The following SGSM1 variants were observed in gnomAD, a reference collection of about 807,000 sequenced individuals.
The protein encoded by SGSM1 is small G protein signaling modulator 1, also known as RUN and TBC1 domain containing 2.
In SGSM1, 73 loss-of-function variants were observed where a neutral mutation model predicts 133.8. The observed-to-expected ratio is 0.55, with a 90% CI of 0.45 to 0.66. The LOEUF (loss-of-function observed/expected upper bound fraction) is 0.66. SGSM1 is among the 30% of genes least tolerant of loss of function. SGSM1 has a pLI of 0.00. For synonymous variants in SGSM1, 563 were observed against 573.0 expected, an observed-to-expected ratio of 0.98 and a Z score of 0.25; for missense variants, 1,213 against 1,448.1, an observed-to-expected ratio of 0.84 and a Z score of 2.64.
At chr22:24,833,748 G>T (rs1050054401) in intron 2 of SGSM1, among the ~76,000 whole-genome samples, 2 of 152,216 alleles carry the variant, frequency 1.3e-5, no homozygotes, top group African/African-American at 4.8e-5. Context: ...TTTGCATGAT[G>T]AGATTCCCGA....
At chr22:24,831,512 G>C (rs1056894498) in intron 2 of SGSM1, among the ~76,000 whole-genome samples, 2 of 152,172 alleles carry the variant, frequency 1.3e-5, no homozygotes, top group South Asian at 4.1e-4. Flanking sequence ...GTCTTTGACA[G>C]TTCTGATGGG....
chr22:24,829,150 C>A (rs62232200), intron 2 of SGSM1, among the ~76,000 whole-genome samples: 2 of 151,516 alleles, frequency 1.3e-5, no homozygotes, highest in Admixed American at 6.6e-5. Flanking sequence ...GAGCCGAGAT[C>A]GTGCCACTGC....
At chr22:24,906,978 A>G (rs966693222) in intron 21 of SGSM1, among the ~76,000 whole-genome samples, 4 of 149,172 alleles carry the variant, frequency 2.7e-5, no homozygotes, top group African/African-American at 9.9e-5. Context: ...ATAAATAAAT[A>G]GGCCGGGCAT....
At chr22:24,850,719 G>A (rs1046405683) in intron 5 of SGSM1, among the ~76,000 whole-genome samples, 3 of 152,144 alleles carry the variant, frequency 2.0e-5, no homozygotes, top group African/African-American at 7.2e-5. Flanking sequence ...CTCTGTGCCC[G>A]TTATCTCTTT....
chr22:24,866,142 G>T (rs1931443318), intron 9 of SGSM1, among the ~76,000 whole-genome samples: 1 of 152,142 alleles, frequency 6.6e-6, no homozygotes, highest in Non-Finnish European at 1.5e-5. Flanking sequence ...ATTTGTTTCA[G>T]GACAGCAGCA....
intron 1 of SGSM1, 23 bp from the exon 2 acceptor site, chr22:24,806,418 G>A (rs1327544970): frequency 6.6e-7 from 1 of 1,522,068 alleles, no homozygotes; most frequent in Middle Eastern, 1.8e-4. Context: ...GCTGACCCGC[G>A]GCTCTCGTTT....
At chr22:24,810,869 C>T (rs1927693648) in intron 2 of SGSM1, among the ~76,000 whole-genome samples, 3 of 152,146 alleles carry the variant, frequency 2.0e-5, no homozygotes, top group African/African-American at 7.2e-5. Context: ...GCAGGCAGGA[C>T]TTGCTAAGAA....
chr22:24,869,289 C>T (rs1931644022), intron 12 of SGSM1, among the ~76,000 whole-genome samples: 1 of 152,126 alleles, frequency 6.6e-6, no homozygotes, highest in Non-Finnish European at 1.5e-5. Context: ...TGGGAGGGAG[C>T]ACTTTGGATT....
intron 8 of SGSM1, among the ~76,000 whole-genome samples, chr22:24,857,053 C>G (rs1930838925): frequency 6.6e-6 from 1 of 151,824 alleles, no homozygotes; most frequent in Non-Finnish European, 1.5e-5. Context: ...CAGGCGTGAG[C>G]CACTGCACCC....
At position 24,898,259 on chromosome 22, in the gene SGSM1, G is replaced by A; in HGVS notation, c.2310G>A (p.Glu770=). Residue 770 remains glutamate (E), a synonymous_variant, in exon 19 of 25, where the codon GAG becomes GAA. Coordinates refer to ENST00000400358, the MANE Select transcript of SGSM1 (RefSeq NM_001098497.3). ...GCGAGGCCACCACATCTCAGGATGA[G>A]GCTCCCCGGGAGGAGCTGGCCGTGC... ...QSSEATTSQD[E]APREELAVQD... 6.2e-7 allele frequency: 1 copy of A among 1,613,862 alleles called. No individual in the cohort carries two copies. The highest frequency in any genetic ancestry group is 2.2e-5 in the East Asian group (1 of 44,870).
intron 19 of SGSM1, among the ~76,000 whole-genome samples, chr22:24,900,410 T>TC (rs1469806954): frequency 1.2e-5 from 1 of 82,416 alleles, no homozygotes; most frequent in African/African-American, 3.9e-5. Flanking sequence ...TTTCTTTCTG[T>TC]ATTTTTGAGA....
chr22:24,829,652 C>T (rs923637644), intron 2 of SGSM1, among the ~76,000 whole-genome samples: 4 of 152,174 alleles, frequency 2.6e-5, no homozygotes, highest in African/African-American at 4.8e-5. Context: ...GATCTGACTC[C>T]TGCCACCTTT....
intron 2 of SGSM1, among the ~76,000 whole-genome samples, chr22:24,827,492 G>T (rs1928865389): frequency 6.6e-6 from 1 of 152,112 alleles, no homozygotes; most frequent in Non-Finnish European, 1.5e-5. Flanking sequence ...GGGCTGGGCT[G>T]CAGCCTTGGA....
Position 24,812,060 on chromosome 22 carries a change from C to T in SGSM1, c.63+5576C>T, listed in dbSNP as rs1439853389. Among the ~76,000 whole-genome samples, 3 of 150,520 alleles carry T rather than the reference C, an allele frequency of 2.0e-5. No individual in the cohort carries two copies. The East Asian group carries it at 5.9e-4, about 30-fold the overall frequency. ...TAGCATGCGCCTGTAATCTCAGCTA[C>T]TCGGGATGCTGAGGCAGGAGAATCG... On this transcript the variant is annotated intron_variant, in intron 2 of 24. Transcript: ENST00000400358.
chr22:24,826,035 C>T (rs1928784300), intron 2 of SGSM1, among the ~76,000 whole-genome samples: 1 of 152,196 alleles, frequency 6.6e-6, no homozygotes, highest in South Asian at 2.1e-4. Flanking sequence ...TGCTTTAAAC[C>T]AGGGGTGTCT....
intron 4 of SGSM1, among the ~76,000 whole-genome samples, chr22:24,850,051 G>A (rs1930366825): frequency 6.6e-6 from 1 of 152,130 alleles, no homozygotes; most frequent in Non-Finnish European, 1.5e-5. Flanking sequence ...ATCAGTATGA[G>A]AATCTGGCTT....
Position 24,915,759 on chromosome 22 carries a change from G to C in SGSM1, c.2929-1899G>C, listed in dbSNP as rs2047114225. On this transcript the variant is annotated intron_variant, in intron 22 of 24. Transcript: ENST00000400358. ...TACAGTGAAATTATTATTGACCATA[G>C]TTACCCTGCTGTGCGATCAAATAGT... Among the ~76,000 whole-genome samples, 3 of 152,238 alleles carry C rather than the reference G, an allele frequency of 2.0e-5. No homozygotes were observed. The South Asian group carries it at 6.2e-4, about 32-fold the overall frequency.
chr22:24,879,316 G>T, intron 13 of SGSM1, 146 bp from the exon 14 acceptor site: 1 of 685,152 alleles, frequency 1.5e-6, no homozygotes, highest in Non-Finnish European at 2.5e-6. Flanking sequence ...TGCTGTACAG[G>T]TAGAGGTAAT....
At chr22:24,923,450 T>A (rs1050824055) in intron 24 of SGSM1, among the ~76,000 whole-genome samples, 1 of 152,196 alleles carries the variant, frequency 6.6e-6, no homozygotes, top group African/African-American at 2.4e-5. Context: ...TGGCTCTTGA[T>A]AAAATTATTT....
Sources: allele counts gnomAD v4.1 joint callset (sites outside exome capture counted in the v4.1 genomes callset), GRCh38; gene constraint gnomAD v4.1.1; transcripts MANE v1.5; gene names NCBI Gene and HGNC (gene_info 2026-07-23, HGNC 2026-07-21).